Variants in ZSWIM5 observed in about 807,000 individuals in gnomAD.
The protein encoded by ZSWIM5 is zinc finger SWIM domain-containing protein 5.
In ZSWIM5, 55 loss-of-function variants were observed where a neutral mutation model predicts 119.6. The ratio of observed to expected loss-of-function variants is 0.46; its 90% confidence interval spans 0.37 to 0.58. The LOEUF is 0.58. Ranked by LOEUF, ZSWIM5 falls within the 20% of genes least tolerant of loss-of-function variation. The probability of loss-of-function intolerance (pLI) is 0.00; values close to 1 mark genes in which losing one functional copy is unlikely to be tolerated. For synonymous variants in ZSWIM5, 537 were observed against 606.9 expected, an observed-to-expected ratio of 0.88 and a Z score of 1.69; for missense variants, 1,193 against 1,512.8, an observed-to-expected ratio of 0.79 and a Z score of 3.51.
In ZSWIM5 at chr1:45,020,724, G is replaced by A. The variant is rs758416642; in HGVS notation, c.2514C>T (p.Leu838=). 1 of 1,614,084 alleles carries A rather than the reference G, an allele frequency of 6.2e-7. No homozygotes were observed. Among genetic ancestry groups the A allele is most frequent in the East Asian group, 2.2e-5 (1 of 44,898 alleles). The change falls in exon 12 of 14, where the codon CTC becomes CTT. Residue 838 remains leucine, a synonymous_variant. Transcript: ENST00000359600. ...AIQKHIHSSS[L]IFKLAQDAFK... The stretch of plus-strand genomic sequence containing the variant: ...ATGCATCTTGGGCCAGTTTGAAGAT[G>A]AGGGAGGAAGAATGAATGTGCTTCT...
In ZSWIM5 at chr1:45,072,649, A is replaced by G. The variant is rs188171212; in HGVS notation, c.953-12402T>C. On this transcript the variant is annotated intron_variant, in intron 2 of 13. Transcript: ENST00000359600. This position sits in a 1 kb window ranked among gnomAD's most constrained non-coding sequence, Gnocchi z 4.1. ...TCATTTCTTCTGCATATGGATATCC[A>G]GTTTCCTAGCATCCATTTATTGAAA... Among the ~76,000 whole-genome samples the G allele has an allele frequency of 2.1e-3, 317 of 152,094 alleles. 2 individuals are homozygous for G. The highest frequency in any genetic ancestry group is 2.9e-3 in the Non-Finnish European group (197 of 68,022).
intron 2 of ZSWIM5, among the ~76,000 whole-genome samples, chr1:45,068,459 G>T (rs1407795099): frequency 6.7e-6 from 1 of 150,126 alleles, no homozygotes; most frequent in East Asian, 2.0e-4. Context: ...TCATGCCATT[G>T]CACTCCAGTC....
intron 1 of ZSWIM5, among the ~76,000 whole-genome samples, chr1:45,201,501 A>G (rs1646158179): frequency 6.6e-6 from 1 of 152,218 alleles, no homozygotes; most frequent in Non-Finnish European, 1.5e-5. Context: ...AACCCTCACC[A>G]TAATAGATTA....
chr1:45,144,480 G>C (rs1304168605), intron 1 of ZSWIM5, among the ~76,000 whole-genome samples: 1 of 152,138 alleles, frequency 6.6e-6, no homozygotes, highest in East Asian at 1.9e-4. Context: ...GGCTGCAAGT[G>C]AGCTATGATC....
At chr1:45,195,266 G>C (rs2149054954) in intron 1 of ZSWIM5, among the ~76,000 whole-genome samples, 1 of 152,190 alleles carries the variant, frequency 6.6e-6, no homozygotes, top group South Asian at 2.1e-4. Flanking sequence ...ACAGGGTCTT[G>C]CTCTGTTGCC....
chr1:45,122,699 A>G (rs1645600094), intron 1 of ZSWIM5, among the ~76,000 whole-genome samples: 1 of 152,132 alleles, frequency 6.6e-6, no homozygotes, highest in African/African-American at 2.4e-5. Flanking sequence ...ACACAGAAAA[A>G]CACAAAAAAT....
intron 1 of ZSWIM5, among the ~76,000 whole-genome samples, chr1:45,160,267 C>G (rs1645855015): frequency 6.6e-6 from 1 of 152,178 alleles, no homozygotes; most frequent in South Asian, 2.1e-4. Context: ...AGGTGCTCAT[C>G]ATCCTGAGTA....
chr1:45,082,355 C>A (rs1645299046), intron 2 of ZSWIM5, among the ~76,000 whole-genome samples: 1 of 150,870 alleles, frequency 6.6e-6, no homozygotes, highest in Admixed American at 6.6e-5. Flanking sequence ...AAAAAGAAAT[C>A]TTTATCTAAA....
intron 2 of ZSWIM5, among the ~76,000 whole-genome samples, chr1:45,078,838 G>C (rs932680523): frequency 2.0e-5 from 3 of 152,146 alleles, no homozygotes; most frequent in African/African-American, 4.8e-5. Context: ...AACCTTAGCT[G>C]TTCACCTGCT....
chr1:45,070,196 T>C, intron 2 of ZSWIM5: 1 of 1,407,790 alleles, frequency 7.1e-7, no homozygotes, highest in South Asian at 1.1e-5. Context: ...GTCCATTTAC[T>C]TTGTAGGCCA....
At chr1:45,192,298 C>A (rs1646097498) in intron 1 of ZSWIM5, among the ~76,000 whole-genome samples, 1 of 152,208 alleles carries the variant, frequency 6.6e-6, no homozygotes, top group South Asian at 2.1e-4. Context: ...TCTCTCCCCT[C>A]AGCCCCTGAC....
chr1:45,027,527 G>C (rs923999139), intron 11 of ZSWIM5, among the ~76,000 whole-genome samples: 1 of 151,938 alleles, frequency 6.6e-6, no homozygotes, highest in Non-Finnish European at 1.5e-5. Flanking sequence ...CTCCTGAGTA[G>C]CTGAGATTAC....
chr1:45,145,896 G>T (rs1645756719), intron 1 of ZSWIM5, among the ~76,000 whole-genome samples: 1 of 152,164 alleles, frequency 6.6e-6, no homozygotes, highest in Non-Finnish European at 1.5e-5. Flanking sequence ...CTGCTAACAA[G>T]GTAGGAGAAA....
chr1:45,096,535 AACACACACACACACACACGCAC>A (rs1293316348), intron 1 of ZSWIM5, among the ~76,000 whole-genome samples: 12 of 140,436 alleles, frequency 8.5e-5, no homozygotes, highest in African/African-American at 3.0e-4. Context: ...TGGCCCTATC[AACACACACACACACACACGCAC>A]ACACACACAC....
intron 2 of ZSWIM5, among the ~76,000 whole-genome samples, chr1:45,076,866 C>T (rs930133825): frequency 2.0e-5 from 3 of 151,742 alleles, no homozygotes; most frequent in Non-Finnish European, 4.4e-5. Context: ...CCTTCTTCTG[C>T]TTGATCAGTT....
At chr1:45,032,188 CATG>C (rs930413253) in intron 11 of ZSWIM5, among the ~76,000 whole-genome samples, 1 of 151,954 alleles carries the variant, frequency 6.6e-6, no homozygotes, top group Non-Finnish European at 1.5e-5. Flanking sequence ...AGTGCAGTGT[CATG>C]ATGGTAGCTT....
At chr1:45,180,602 G>A (rs1322278626) in intron 1 of ZSWIM5, among the ~76,000 whole-genome samples, 2 of 152,176 alleles carry the variant, frequency 1.3e-5, no homozygotes, top group Non-Finnish European at 2.9e-5. Flanking sequence ...CACGCAGCTG[G>A]AGATCTGAGA....
chr1:45,097,153 G>A (rs1645408234), intron 1 of ZSWIM5, among the ~76,000 whole-genome samples: 1 of 152,266 alleles, frequency 6.6e-6, no homozygotes, highest in African/African-American at 2.4e-5. Context: ...TCTAAACTGA[G>A]GACACGGGAA....
intron 1 of ZSWIM5, among the ~76,000 whole-genome samples, chr1:45,104,678 T>C (rs1026102043): frequency 2.0e-5 from 3 of 152,142 alleles, no homozygotes; most frequent in Non-Finnish European, 4.4e-5. Context: ...CTTGGTTTGT[T>C]TGTATTATAG....
Sources: allele counts gnomAD v4.1 joint callset (sites outside exome capture counted in the v4.1 genomes callset), GRCh38; gene constraint gnomAD v4.1.1; non-coding constraint Gnocchi (gnomAD v3.1); transcripts MANE v1.5; gene names NCBI Gene and HGNC (gene_info 2026-07-23, HGNC 2026-07-21).